The following AGMO variants were observed in gnomAD, a reference collection of about 807,000 sequenced individuals.
The protein encoded by AGMO is alkylglycerol monooxygenase, also known as glyceryl-ether monooxygenase.
A neutral mutation model predicts 60.2 loss-of-function variants in AGMO; 75 were observed. The ratio of observed to expected loss-of-function variants is 1.25; its 90% confidence interval spans 1.03 to 1.51. The LOEUF is 1.51. Among genes scored for constraint, AGMO ranks in the 40% most tolerant of loss-of-function variants. AGMO has a pLI of 0.00. For missense variants in AGMO, 763 were observed against 525.5 expected, an observed-to-expected ratio of 1.45 and a Z score of -4.42; for synonymous variants, 261 against 177.1, an observed-to-expected ratio of 1.47 and a Z score of -3.76.
chr7:15,534,065 G>A (rs1784428815), intron 3 of AGMO, among the ~76,000 whole-genome samples: 1 of 151,882 alleles, frequency 6.6e-6, no homozygotes, highest in African/African-American at 2.4e-5. Context: ...ATTTTAAGAA[G>A]TATGAGGCCT....
At chr7:15,123,718 T>C in the AGMO span, among the ~76,000 whole-genome samples, 1 of 152,042 alleles carries the variant, frequency 6.6e-6, no homozygotes, top group Non-Finnish European at 1.5e-5. Flanking sequence ...CTGGTCATTA[T>C]GCTTCACTGA....
intron 12 of AGMO, among the ~76,000 whole-genome samples, chr7:15,327,217 A>G (rs1025964388): frequency 3.9e-5 from 6 of 152,122 alleles, no homozygotes; most frequent in African/African-American, 1.4e-4. Context: ...GGACTCATCT[A>G]CTACACCTCT....
intron 3 of AGMO, among the ~76,000 whole-genome samples, chr7:15,541,030 C>G (rs1583666147): frequency 6.6e-6 from 1 of 152,150 alleles, no homozygotes; most frequent in Non-Finnish European, 1.5e-5. Context: ...CCTTGAAAAT[C>G]TTTACCTGTT....
chr7:15,338,866 T>C (rs552516449), intron 12 of AGMO, among the ~76,000 whole-genome samples: 23 of 152,304 alleles, frequency 1.5e-4, no homozygotes, highest in Admixed American at 5.9e-4. Flanking sequence ...AGTGTCTTTA[T>C]ATGTTTAACT....
In AGMO at chr7:15,354,658, A is replaced by C. The variant is rs1222872511; in HGVS notation, c.1263+10856T>G. 2.0e-5 allele frequency among the ~76,000 whole-genome samples: 3 copies of C among 147,426 alleles called. No individual in the cohort carries two copies. The East Asian group carries it at 6.1e-4, about 30-fold the overall frequency. ...AAATATTCATAAGGGTGGTAAGTGAAAGAAAACAATTTTTTAAGTGGCGGG... is the reference window on the plus strand; with the variant it reads ...AAATATTCATAAGGGTGGTAAGTGACAGAAAACAATTTTTTAAGTGGCGGG... On this transcript the variant is annotated intron_variant, in intron 12 of 12. Transcript: ENST00000342526.
At chr7:15,480,813 G>GCCAATCA in intron 3 of AGMO, among the ~76,000 whole-genome samples, 1 of 152,186 alleles carries the variant, frequency 6.6e-6, no homozygotes, top group East Asian at 1.9e-4. Context: ...TTGGTTGAAG[G>GCCAATCA]CCTAGTCAAA....
intron 3 of AGMO, among the ~76,000 whole-genome samples, chr7:15,452,263 T>A (rs1015596334): frequency 6.6e-6 from 1 of 152,136 alleles, no homozygotes; most frequent in Non-Finnish European, 1.5e-5. Flanking sequence ...AAAATTTTTG[T>A]ATATTAAATA....
At position 15,544,956 on chromosome 7, in the gene AGMO, T is replaced by C. The variant is rs191646991; in HGVS notation, c.258-33A>G. On this transcript the variant is annotated intron_variant, in intron 2 of 12. Transcript: ENST00000342526. ...ATAAAATTCACAATCAGTGATTATA[T>C]AACATTTTAGAAAAAAAATTACGCT... 1.1e-4 allele frequency: 155 copies of C among 1,411,380 alleles called. No individual in the cohort carries two copies. The East Asian group carries it at 3.7e-3, about 34-fold the overall frequency. 87.4% of individuals were successfully genotyped at this position (1,411,380 alleles called of 1,614,324 possible).
intron 3 of AGMO, among the ~76,000 whole-genome samples, chr7:15,522,958 G>C (rs1166080753): frequency 6.6e-6 from 1 of 152,082 alleles, no homozygotes; most frequent in African/African-American, 2.4e-5. Flanking sequence ...CTGACAAAGG[G>C]CTAATATTCA....
rs556235900 is a variant in AGMO at position 15,269,755 on chromosome 7, CCT to C, written c.1264-68398_1264-68397del. 5.0e-3 allele frequency among the ~76,000 whole-genome samples: 765 copies of C among 151,962 alleles called. 5 individuals are homozygous for C. The highest frequency in any genetic ancestry group is 0.017 in the African/African-American group (714 of 41,474). ...AATAGGTAAGGCTTCAACCATCATCCCTCTCATACCCTACTCCCATAAGAGTC... is the reference window on the plus strand; with the variant it reads ...AATAGGTAAGGCTTCAACCATCATCCCTCATACCCTACTCCCATAAGAGTC... On this transcript the variant is annotated intron_variant, in intron 12 of 12. Transcript: ENST00000342526.
chr7:15,508,087 A>C (rs1319842266), intron 3 of AGMO, among the ~76,000 whole-genome samples: 1 of 152,150 alleles, frequency 6.6e-6, no homozygotes, highest in Non-Finnish European at 1.5e-5. Context: ...AAATAGCACC[A>C]AAAGGGAGTT....
At chr7:15,411,217 C>A (rs1159421107) in intron 5 of AGMO, among the ~76,000 whole-genome samples, 1 of 151,990 alleles carries the variant, frequency 6.6e-6, no homozygotes, top group Non-Finnish European at 1.5e-5. Context: ...GTACCTTGAT[C>A]TTGGACTTTG....
At position 15,365,586 on chromosome 7, in the gene AGMO, G is replaced by C; in HGVS notation, c.1191C>G (p.Cys397Trp). 1 of 1,612,614 alleles carries C rather than the reference G, an allele frequency of 6.2e-7. No homozygotes were observed. Among genetic ancestry groups the C allele is most frequent in the Non-Finnish European group, 8.5e-7 (1 of 1,179,012 alleles). Residue 397 changes from cysteine to tryptophan, a missense_variant, in exon 12 of 13, where the codon TGC (cysteine) becomes TGG (tryptophan). Coordinates refer to ENST00000342526, the MANE Select transcript of AGMO (RefSeq NM_001004320.2). ...PKAAIMETLR[C>W]LMFLMLYRFG... Reference sequence around the variant, plus strand: ...ATCGGTACAGCATTAAGAACATCAAGCAACGGAGAGTTTCCATAATAGCTG... The same window carrying C: ...ATCGGTACAGCATTAAGAACATCAACCAACGGAGAGTTTCCATAATAGCTG...
intron 12 of AGMO, among the ~76,000 whole-genome samples, chr7:15,256,083 G>A (rs1038146305): frequency 2.0e-5 from 3 of 152,214 alleles, no homozygotes; most frequent in African/African-American, 7.2e-5. Flanking sequence ...AATAGGAGGT[G>A]CTGACCAATG....
intron 3 of AGMO, among the ~76,000 whole-genome samples, chr7:15,489,815 T>G (rs797021739): frequency 2.0e-5 from 3 of 152,210 alleles, no homozygotes; most frequent in Admixed American, 2.0e-4. Context: ...TGATATAGTT[T>G]GTACTTTGAG....
intron 4 of AGMO, among the ~76,000 whole-genome samples, chr7:15,424,979 T>A (rs1324413929): frequency 2.0e-5 from 3 of 152,178 alleles, no homozygotes; most frequent in Non-Finnish European, 4.4e-5. Flanking sequence ...GAGTACAATG[T>A]AATAAAAAGA....
chr7:15,206,190 G>C (rs1781434733), intron 12 of AGMO, among the ~76,000 whole-genome samples: 1 of 151,932 alleles, frequency 6.6e-6, no homozygotes, highest in African/African-American at 2.4e-5. Flanking sequence ...ATAAATTAGA[G>C]CCAAATGTAC....
chr7:15,503,350 A>T (rs1783436481), intron 3 of AGMO, among the ~76,000 whole-genome samples: 1 of 152,062 alleles, frequency 6.6e-6, no homozygotes, highest in Non-Finnish European at 1.5e-5. Flanking sequence ...AAGATAAATA[A>T]ATTATCCTTA....
At chr7:15,492,457 A>T (rs111259950) in intron 3 of AGMO, among the ~76,000 whole-genome samples, 16 of 152,096 alleles carry the variant, frequency 1.1e-4, no homozygotes, top group African/African-American at 3.9e-4. Context: ...GGAGACCAGA[A>T]ATAGAATCTT....
Sources: allele counts gnomAD v4.1 joint callset (sites outside exome capture counted in the v4.1 genomes callset), GRCh38; gene constraint gnomAD v4.1.1; transcripts MANE v1.5; gene names NCBI Gene and HGNC (gene_info 2026-07-23, HGNC 2026-07-21).